The following TMEM38B variants were observed in gnomAD, a reference collection of about 807,000 sequenced individuals.
The protein encoded by TMEM38B is transmembrane protein 38B, also known as trimeric intracellular cation channel type B.
In TMEM38B, 24 loss-of-function variants were observed where a neutral mutation model predicts 28.7. The ratio of observed to expected loss-of-function variants is 0.84; its 90% confidence interval spans 0.61 to 1.18. TMEM38B has a LOEUF of 1.18. Ranked by LOEUF, TMEM38B falls within the 50% of genes most tolerant of loss-of-function variation. TMEM38B has a pLI of 0.00. For missense variants in TMEM38B, 380 were observed against 350.9 expected, an observed-to-expected ratio of 1.08 and a Z score of -0.66; for synonymous variants, 131 against 127.7, an observed-to-expected ratio of 1.03 and a Z score of -0.17.
chr9:105,759,083 C>T lies in TMEM38B; in HGVS notation c.660+10893C>T, dbSNP rs1324059643. On this transcript the variant is annotated intron_variant, in intron 5 of 5. Transcript: ENST00000374692. ...ACTGGGTATTATCTGCCATGAAGTG[C>T]CTAGCAAATTGGCCAAGAAGTGATG... 27 of 802,340 alleles carry T rather than the reference C, an allele frequency of 3.4e-5. No individual in the cohort carries two copies. The South Asian group carries it at 3.6e-4, about 11-fold the overall frequency. 49.7% of individuals were successfully genotyped at this position (802,340 alleles called of 1,614,324 possible).
At position 105,760,113 on chromosome 9, in the gene TMEM38B, C is replaced by T. The variant is rs185993260; in HGVS notation, c.660+11923C>T. 2.7e-3 allele frequency: 2,374 copies of T among 882,048 alleles called. 9 individuals are homozygous for T. The highest frequency in any genetic ancestry group is 3.5e-3 in the Non-Finnish European group (1,843 of 519,282). The allele number at this position is 882,048 out of a possible 1,614,324, so 54.6% of individuals were successfully genotyped here. A position where few individuals can be genotyped will look rare whatever the true frequency, so the allele number is the denominator to read the frequency against. The stretch of plus-strand genomic sequence containing the variant: ...AACCTCATTTAGAGAGGGTTGCCAT[C>T]GATGCGCTACAATTGTGTCGTTTGT... On this transcript the variant is annotated intron_variant, in intron 5 of 5. Coordinates refer to ENST00000374692, the MANE Select transcript of TMEM38B (RefSeq NM_018112.3).
At chr9:105,739,428 T>C (rs1837108381) in intron 4 of TMEM38B, among the ~76,000 whole-genome samples, 1 of 151,990 alleles carries the variant, frequency 6.6e-6, no homozygotes, top group Non-Finnish European at 1.5e-5. Flanking sequence ...AAAAAAGTAA[T>C]CAAGTGAAAA....
intron 5 of TMEM38B, chr9:105,759,554 C>T: frequency 1.3e-6 from 2 of 1,559,712 alleles, no homozygotes; most frequent in Non-Finnish European, 1.8e-6. Context: ...GATCTGTCCT[C>T]TAATAGCAAA....
At chr9:105,705,312 G>A (rs1040516776) in intron 1 of TMEM38B, among the ~76,000 whole-genome samples, 1 of 152,118 alleles carries the variant, frequency 6.6e-6, no homozygotes, top group Non-Finnish European at 1.5e-5. Flanking sequence ...TGAGAATATC[G>A]TTTATAATAA....
chr9:105,706,107 C>T (rs942276567), intron 2 of TMEM38B, among the ~76,000 whole-genome samples: 10 of 152,232 alleles, frequency 6.6e-5, no homozygotes, highest in Non-Finnish European at 1.2e-4. Flanking sequence ...CCATGTTGGC[C>T]AGGCTGGTCT....
Position 105,774,601 on chromosome 9 carries a change from T to C in TMEM38B, c.*521T>C, listed in dbSNP as rs1564423556. 1 of 152,022 alleles carries C rather than the reference T, an allele frequency of 6.6e-6. No homozygotes were observed. The highest frequency in any genetic ancestry group is 1.9e-4 in the East Asian group (1 of 5,188). 9.4% of individuals were successfully genotyped at this position (152,022 alleles called of 1,614,324 possible). A position where few individuals can be genotyped will look rare whatever the true frequency, so the allele number is the denominator to read the frequency against. ...TATATTATAAATGAAAATAAATTGC[T>C]AGTTTATATTTTAGATATAAACATC... On this transcript the variant is annotated 3_prime_UTR_variant, in exon 6 of 6. Coordinates refer to ENST00000374692, the MANE Select transcript of TMEM38B (RefSeq NM_018112.3).
At chr9:105,732,019 T>C (rs1836770486) in intron 4 of TMEM38B, among the ~76,000 whole-genome samples, 1 of 152,206 alleles carries the variant, frequency 6.6e-6, no homozygotes, top group Non-Finnish European at 1.5e-5. Flanking sequence ...TGAGATGGTA[T>C]CTCATTGTGT....
At chr9:105,758,143 C>T (rs1244351216) in intron 5 of TMEM38B, 6 of 553,882 alleles carry the variant, frequency 1.1e-5, no homozygotes, top group African/African-American at 9.3e-5. Context: ...GCCATGGACG[C>T]CAGTGGGCAC....
intron 5 of TMEM38B, among the ~76,000 whole-genome samples, chr9:105,766,513 A>G (rs1826375207): frequency 6.6e-6 from 1 of 152,094 alleles, no homozygotes; most frequent in Admixed American, 6.5e-5. Context: ...TTGGTGAGAT[A>G]TATGTATTGC....
intron 4 of TMEM38B, among the ~76,000 whole-genome samples, chr9:105,747,145 G>A (rs558698738): frequency 6.6e-6 from 1 of 152,318 alleles, no homozygotes; most frequent in East Asian, 1.9e-4. Flanking sequence ...AGTTTCAGAA[G>A]GAATGGTACC....
intron 4 of TMEM38B, among the ~76,000 whole-genome samples, chr9:105,723,435 T>A (rs1458997236): frequency 6.6e-6 from 1 of 151,820 alleles, no homozygotes; most frequent in East Asian, 1.9e-4. Context: ...GAGACAGGGT[T>A]TTATTCTGTC....
At chr9:105,711,477 A>G (rs557176504) in intron 2 of TMEM38B, among the ~76,000 whole-genome samples, 71 of 152,038 alleles carry the variant, frequency 4.7e-4, no homozygotes, top group Non-Finnish European at 9.7e-4. Context: ...GAAAATACAG[A>G]AAACCACAAA....
chr9:105,757,402 TC>T (rs1837871781), intron 5 of TMEM38B, among the ~76,000 whole-genome samples: 1 of 152,186 alleles, frequency 6.6e-6, no homozygotes, highest in Non-Finnish European at 1.5e-5. Context: ...TATAATGACT[TC>T]TTTTACTTTG....
At chr9:105,760,089 A>G (rs1031976037) in intron 5 of TMEM38B, 5 of 975,374 alleles carry the variant, frequency 5.1e-6, no homozygotes, top group Non-Finnish European at 8.2e-6. Context: ...GTTTGCTGCA[A>G]CCTCATTTAG....
At chr9:105,733,935 C>T (rs1836870826) in intron 4 of TMEM38B, among the ~76,000 whole-genome samples, 1 of 151,826 alleles carries the variant, frequency 6.6e-6, no homozygotes, top group South Asian at 2.1e-4. Flanking sequence ...TTTTTTTCCC[C>T]TATGTTTTTT....
At chr9:105,723,607 G>A (rs1178200445) in intron 4 of TMEM38B, among the ~76,000 whole-genome samples, 1 of 151,942 alleles carries the variant, frequency 6.6e-6, no homozygotes, top group African/African-American at 2.4e-5. Flanking sequence ...ATGTTGCCTT[G>A]GCTGGTCTTG....
chr9:105,715,533 CTCT>C (rs573989229), intron 2 of TMEM38B, among the ~76,000 whole-genome samples: 13 of 151,976 alleles, frequency 8.6e-5, no homozygotes, highest in Admixed American at 7.2e-4. Context: ...GGTATATTGG[CTCT>C]TCTTTGCCTT....
chr9:105,718,737 G>T (rs910363758), intron 2 of TMEM38B, among the ~76,000 whole-genome samples: 4 of 151,936 alleles, frequency 2.6e-5, no homozygotes, highest in Non-Finnish European at 5.9e-5. Flanking sequence ...AGCTGTTCCC[G>T]GGGGAAATAA....
At chr9:105,739,903 G>A (rs1337890075) in intron 4 of TMEM38B, among the ~76,000 whole-genome samples, 1 of 150,988 alleles carries the variant, frequency 6.6e-6, no homozygotes, top group African/African-American at 2.4e-5. Flanking sequence ...TTTTGTTTGA[G>A]ACAGAGTCTT....
Sources: gnomAD v4.1 joint callset for allele counts (sites outside exome capture counted in the v4.1 genomes callset) on GRCh38, gnomAD v4.1.1 for gene constraint, MANE v1.5 for transcripts, NCBI Gene and HGNC (gene_info 2026-07-23, HGNC 2026-07-21) for gene names.